Variants in NSUN5 observed in about 807,000 individuals in gnomAD.
NSUN5 encodes NOP2/Sun RNA methyltransferase 5.
A neutral mutation model predicts 51.1 loss-of-function variants in NSUN5; 39 were observed. That is an observed-to-expected ratio of 0.76 (90% CI 0.59 to 1.00). The LOEUF (loss-of-function observed/expected upper bound fraction) is 1.00, where lower values mean the gene tolerates loss of function less well. Among genes scored for constraint, NSUN5 ranks in the 50% least tolerant of loss-of-function variants. The pLI is 0.00. For missense variants in NSUN5, 526 were observed against 614.0 expected, an observed-to-expected ratio of 0.86 and a Z score of 1.51; for synonymous variants, 266 against 271.5, an observed-to-expected ratio of 0.98 and a Z score of 0.20.
chr7:73,307,295 G>C (rs1268798132), intron 4 of NSUN5, 99 bp downstream of exon 4: 3 of 854,290 alleles, frequency 3.5e-6, no homozygotes, highest in Admixed American at 2.2e-5. Flanking sequence ...AAGGTAGGAA[G>C]AAAGCCCAGA....
In NSUN5 at chr7:73,304,108, G is replaced by A. The variant is rs143251186; in HGVS notation, c.935-72C>T. On this transcript the variant is annotated intron_variant, in intron 7 of 9. Transcript: ENST00000438747. ...GTCCTGAAATCCTCGCTTCACAGAG[G>A]AGAACTTTTGTCCCAGGGTCCCAAG... is the stretch of plus-strand genomic sequence containing the variant. 371 of 1,579,000 alleles carry A rather than the reference G, an allele frequency of 2.3e-4. 1 individual carries two copies. The East Asian group carries it at 7.2e-3, about 31-fold the overall frequency.
At chr7:73,307,840 C>T in intron 2 of NSUN5, 83 bp from the exon 3 acceptor site, 1 of 1,254,382 alleles carries the variant, frequency 8.0e-7, no homozygotes. Flanking sequence ...TAATGGAGCC[C>T]CGGCAATGGA....
chr7:73,304,918 C>T (rs782372365), intron 5 of NSUN5, 41 bp downstream of exon 5: 165 of 1,611,664 alleles, frequency 1.0e-4, no homozygotes, highest in Non-Finnish European at 1.3e-4. Context: ...AGGCCCTTCC[C>T]GTGCCTACAC....
Position 73,304,011 on chromosome 7 carries a change from C to T in NSUN5, c.960G>A (p.Glu320=), listed in dbSNP as rs782688881. The change falls in exon 8 of 10, where the codon GAG becomes GAA. Residue 320 remains glutamate, a synonymous_variant. Coordinates refer to ENST00000438747, the MANE Select transcript of NSUN5 (RefSeq NM_148956.4). ...CCGGGCTAGGTGTGCCTGCCCCGGG[C>T]TCCTCCAGCTGTCTGCTCGGCATAC... ...GSGMPSRQLE[E]PGAGTPSPVR... is the part of the protein sequence containing the mutation. 6.2e-7 allele frequency: 1 copy of T among 1,614,100 alleles called. No individual in the cohort carries two copies. Among genetic ancestry groups the T allele is most frequent in the Admixed American group, 1.7e-5 (1 of 60,020 alleles).
intron 4 of NSUN5, among the ~76,000 whole-genome samples, chr7:73,305,706 T>C (rs1804011777): frequency 6.6e-6 from 1 of 152,004 alleles, no homozygotes; most frequent in African/African-American, 2.4e-5. Context: ...TAAAACTACA[T>C]TCACTATAAC....
intron 4 of NSUN5, among the ~76,000 whole-genome samples, chr7:73,306,881 G>C (rs1254481041): frequency 6.6e-6 from 1 of 151,874 alleles, no homozygotes; most frequent in Non-Finnish European, 1.5e-5. Context: ...AAAAAAAAAA[G>C]AGAGAAAGGA....
chr7:73,307,478 C>G lies in NSUN5; in HGVS notation c.416G>C (p.Arg139Pro), dbSNP rs782364924. Residue 139 changes from arginine (R) to proline (P), a missense_variant, in exon 4 of 10, where the codon CGT (arginine) becomes CCT (proline). Physicochemically the swap from Arg to Pro is moderately radical, Grantham distance 103. Coordinates refer to ENST00000438747, the MANE Select transcript of NSUN5 (RefSeq NM_148956.4). Reference protein sequence around the residue: ...GPASQLPRFVRVNTLKTCSDD... With the variant: ...GPASQLPRFVPVNTLKTCSDD... Reference sequence around the variant, plus strand: ...GGAGCAGGTCTTGAGAGTGTTCACACGCACAAATCGAGGCAGCTGGGAGGC... The same window carrying G: ...GGAGCAGGTCTTGAGAGTGTTCACAGGCACAAATCGAGGCAGCTGGGAGGC... The G allele has an allele frequency of 2.5e-6, 4 of 1,614,128 alleles. No homozygotes were observed. The highest frequency in any genetic ancestry group is 1.1e-5 in the South Asian group (1 of 91,074).
chr7:73,308,524 G>C lies in NSUN5; in HGVS notation c.123C>G (p.Cys41Trp), dbSNP rs1241418831. ...QNVKQLYALV[C>W]ETQRYSAVLD... ...GCACGGCGGAGTAGCGCTGCGTTTC[G>C]CACACCAGCGCGTACAGCTGCTTCA... The change falls in exon 2 of 10, where the codon TGC (cysteine) becomes TGG (tryptophan). Residue 41 changes from cysteine to tryptophan, a missense_variant. Coordinates refer to ENST00000438747, the MANE Select transcript of NSUN5 (RefSeq NM_148956.4). 2 of 1,602,244 alleles carry C rather than the reference G, an allele frequency of 1.2e-6. No homozygotes were observed. The highest frequency in any genetic ancestry group is 4.5e-5 in the East Asian group (2 of 44,596).
intron 2 of NSUN5, chr7:73,308,145 T>C (rs1428063804): frequency 4.9e-5 from 23 of 465,358 alleles, no homozygotes; most frequent in Admixed American, 1.5e-4. Flanking sequence ...GTGATCCTCC[T>C]CCCTCAGCCT....
At position 73,303,669 on chromosome 7, in the gene NSUN5, C is replaced by A; in HGVS notation, c.1217G>T (p.Arg406Leu). 2 of 1,614,152 alleles carry A rather than the reference C, an allele frequency of 1.2e-6. No individual in the cohort carries two copies. The highest frequency in any genetic ancestry group is 1.7e-6 in the Non-Finnish European group (2 of 1,180,036). The change falls in exon 9 of 10, where the codon CGG becomes CTG. Residue 406 changes from arginine to leucine, a missense_variant. Coordinates refer to ENST00000438747, the MANE Select transcript of NSUN5 (RefSeq NM_148956.4). ...GCTGAGTGTGGTCTCAGGGGAGGCC[C>A]GGAGGCAGTGCTCGGCACCCGGGAA... is the stretch of plus-strand genomic sequence containing the variant. ...STFPGAEHCL[R>L]ASPETTLSSG...
At chr7:73,305,184 C>T in intron 4 of NSUN5, 87 bp from the exon 5 acceptor site, 3 of 1,508,672 alleles carry the variant, frequency 2.0e-6, no homozygotes, top group Non-Finnish European at 2.7e-6. Flanking sequence ...CAAATGTTAC[C>T]ACAGCTATGG....
intron 4 of NSUN5, among the ~76,000 whole-genome samples, chr7:73,306,286 A>T (rs1266829385): frequency 6.8e-6 from 1 of 146,184 alleles, no homozygotes; most frequent in Non-Finnish European, 1.5e-5. Flanking sequence ...CAGGAGGCTG[A>T]GGCAGGAGAA....
Position 73,307,625 on chromosome 7 carries a change from G to A in NSUN5, c.349C>T (p.Arg117Trp), listed in dbSNP as rs138774105. 3,006 of 1,588,432 alleles carry A rather than the reference G, an allele frequency of 1.9e-3. 5 individuals are homozygous for A. The highest frequency in any genetic ancestry group is 2.3e-3 in the Non-Finnish European group (2,681 of 1,175,384). ...CCCACTTCCAACAGGTCCTCATTCC[G>A]GCTCACACCCCGATGAACCTTGAGC... ...ARLKVHRGVSRNEDLLEVGSR... is the reference protein window; with the variant it reads ...ARLKVHRGVSWNEDLLEVGSR... The change falls in exon 3 of 10, where the codon CGG becomes TGG. Residue 117 changes from arginine to tryptophan, a missense_variant. Arg to Trp is a moderately radical substitution (Grantham distance 101, BLOSUM62 -3). Coordinates refer to ENST00000438747, the MANE Select transcript of NSUN5 (RefSeq NM_148956.4).
intron 4 of NSUN5, 77 bp from the exon 5 acceptor site, chr7:73,305,174 C>G (rs1586460884): frequency 1.1e-5 from 17 of 1,534,458 alleles, no homozygotes; most frequent in Non-Finnish European, 1.5e-5. Context: ...ATTCATGCAA[C>G]AAATGTTACC....
rs369067236 is a variant in NSUN5 at position 73,303,368 on chromosome 7, C to T, written c.*47G>A. The T allele has an allele frequency of 5.0e-6, 8 of 1,613,908 alleles. No homozygotes were observed. The African/African-American group carries it at 9.3e-5, about 19-fold the overall frequency. On this transcript the variant is annotated 3_prime_UTR_variant, in exon 10 of 10. Transcript: ENST00000438747. Reference sequence around the variant, plus strand: ...GGCCCAGGGTCCTCCACGGAGAGGACAGGCATCTTCCTTTCCCACCAGGAA... The same window carrying T: ...GGCCCAGGGTCCTCCACGGAGAGGATAGGCATCTTCCTTTCCCACCAGGAA...
Position 73,305,098 on chromosome 7 carries a change from C to A in NSUN5, c.501-1G>T, listed in dbSNP as rs1554541645. ...CTTGAGGGCTCGTAAGTCATCGAGG[C>A]TGCCAGGGAAGAACCATTCATTCAT... On this transcript the variant is annotated splice_acceptor_variant, in intron 4 of 9. Coordinates refer to ENST00000438747, the MANE Select transcript of NSUN5 (RefSeq NM_148956.4). LOFTEE classifies it high-confidence loss of function. 3 of 1,609,984 alleles carry A rather than the reference C, an allele frequency of 1.9e-6. No homozygotes were observed. The highest frequency in any genetic ancestry group is 1.7e-6 in the Non-Finnish European group (2 of 1,177,470).
rs1218318739 is a variant in NSUN5, at chr7:73,303,671, G to C, written c.1215C>G (p.Leu405=). The C allele has an allele frequency of 1.9e-6, 3 of 1,614,182 alleles. No homozygotes were observed. The highest frequency in any genetic ancestry group is 1.1e-5 in the South Asian group (1 of 91,078). Residue 405 remains leucine (L), a synonymous_variant, in exon 9 of 10, where the codon CTC becomes CTG. Coordinates refer to ENST00000438747, the MANE Select transcript of NSUN5 (RefSeq NM_148956.4). ...LSTFPGAEHC[L]RASPETTLSS... ...TGAGTGTGGTCTCAGGGGAGGCCCGGAGGCAGTGCTCGGCACCCGGGAACG... is the reference window on the plus strand; with the variant it reads ...TGAGTGTGGTCTCAGGGGAGGCCCGCAGGCAGTGCTCGGCACCCGGGAACG...
At chr7:73,307,853 G>A in intron 2 of NSUN5, 96 bp from the exon 3 acceptor site, 1 of 1,095,226 alleles carries the variant, frequency 9.1e-7, no homozygotes, top group Non-Finnish European at 1.3e-6. Flanking sequence ...GCAATGGAAT[G>A]GCTAAACAGA....
intron 2 of NSUN5, chr7:73,308,024 C>T: frequency 2.0e-6 from 1 of 496,898 alleles, no homozygotes. Context: ...GCCAACATTA[C>T]CCTTTCGTGG....
Sources: allele counts gnomAD v4.1 joint callset (sites outside exome capture counted in the v4.1 genomes callset), GRCh38; gene constraint gnomAD v4.1.1; transcripts MANE v1.5; gene names NCBI Gene and HGNC (gene_info 2026-07-23, HGNC 2026-07-21).